The following TSPAN6 variants were observed in gnomAD, a reference collection of about 807,000 sequenced individuals.
TSPAN6 encodes tetraspanin-6.
In TSPAN6, 13 loss-of-function variants were observed where a neutral mutation model predicts 18.0. That is an observed-to-expected ratio of 0.72 (90% CI 0.47 to 1.15). TSPAN6 has a LOEUF of 1.15. Ranked by LOEUF, TSPAN6 falls within the 50% of genes most tolerant of loss-of-function variation. The probability of loss-of-function intolerance (pLI) is 0.00; values close to 1 mark genes in which losing one functional copy is unlikely to be tolerated. For synonymous variants in TSPAN6, 82 were observed against 67.0 expected (o/e 1.22, Z -1.09); for missense variants, 186 against 183.9 (o/e 1.01, Z -0.07).
In TSPAN6 at chrX:100,627,179, T is replaced by G. The variant is rs1602700543; in HGVS notation, c.*2847A>C. On this transcript the variant is annotated 3_prime_UTR_variant, in exon 8 of 8. Transcript: ENST00000373020. ...CATAAACCCAACAACCCACCTGGAA[T>G]AGGCCATGGAAATCTAACAAGCTTT... 3 of 111,664 alleles carry G rather than the reference T, an allele frequency of 2.7e-5. No homozygotes were observed. The East Asian group carries it at 8.4e-4, about 31-fold the overall frequency. The allele number at this position is 111,664 out of a possible 1,213,427, so 9.2% of individuals were successfully genotyped here.
intron 1 of TSPAN6, chrX:100,636,324 T>G: frequency 1.1e-6 from 1 of 917,732 alleles, no homozygotes; most frequent in Non-Finnish European, 1.3e-6. Flanking sequence ...TCTGGGGGCT[T>G]AAGGCCCCAC....
intron 4 of TSPAN6, 26 bp downstream of exon 4, chrX:100,633,905 C>G (rs1438552888): frequency 9.5e-7 from 1 of 1,050,051 alleles, no homozygotes; most frequent in Non-Finnish European, 1.3e-6. Flanking sequence ...GAATGTGTTC[C>G]CCTCTAGGTG....
In TSPAN6 at chrX:100,629,994, TAAAG is replaced by T; in HGVS notation, c.*40-12_*40-9del. ...GGGGGGACCCTAAATGTCCTAAAAT[TAAAG>T]AAAAAAAGTTAATGTACTTGTTACC... is the stretch of plus-strand genomic sequence containing the variant. On this transcript the variant is annotated splice_polypyrimidine_tract_variant and intron_variant, in intron 7 of 7. Coordinates refer to ENST00000373020, the MANE Select transcript of TSPAN6 (RefSeq NM_003270.4). 6 of 751,653 alleles carry T rather than the reference TAAAG, an allele frequency of 8.0e-6. No individual in the cohort carries two copies. The highest frequency in any genetic ancestry group is 9.4e-6 in the Non-Finnish European group (6 of 637,112). The allele number at this position is 751,653 out of a possible 1,213,427, so 61.9% of individuals were successfully genotyped here. A position where few individuals can be genotyped will look rare whatever the true frequency, so the allele number is the denominator to read the frequency against.
chrX:100,628,700 T>A lies in TSPAN6; in HGVS notation c.*1326A>T, dbSNP rs1276451724. 1 of 112,195 alleles carries A rather than the reference T, an allele frequency of 8.9e-6. No homozygotes were observed. Among genetic ancestry groups the A allele is most frequent in the Non-Finnish European group, 1.9e-5 (1 of 53,306 alleles). The allele number at this position is 112,195 out of a possible 1,213,427, so 9.2% of individuals were successfully genotyped here. A position where few individuals can be genotyped will look rare whatever the true frequency, so the allele number is the denominator to read the frequency against. The stretch of plus-strand genomic sequence containing the variant: ...AGAACACTAGTCATATGCTACTTTA[T>A]AACATGGAATATAATTTTTTTCACA... On this transcript the variant is annotated 3_prime_UTR_variant, in exon 8 of 8. Coordinates refer to ENST00000373020, the MANE Select transcript of TSPAN6 (RefSeq NM_003270.4).
Position 100,635,305 on chromosome X carries a change from T to C in TSPAN6, c.277-53A>G, listed in dbSNP as rs1309682437. On this transcript the variant is annotated intron_variant, in intron 2 of 7. Transcript: ENST00000373020. ...CAGCATAAATAAGATATAGCACAAC[T>C]GCAAAGGGAGTCAAAGAAAAAATAA... 10 of 929,105 alleles carry C rather than the reference T, an allele frequency of 1.1e-5. No homozygotes were observed. In the African/African-American group the frequency reaches 1.2e-4, roughly 11 times the overall value. The allele number at this position is 929,105 out of a possible 1,213,427, so 76.6% of individuals were successfully genotyped here.
chrX:100,633,687 G>T (rs754155563), intron 4 of TSPAN6, 148 bp from the exon 5 acceptor site: 59 of 641,556 alleles, frequency 9.2e-5, no homozygotes, highest in Non-Finnish European at 1.2e-4. Flanking sequence ...ATGAGCACTG[G>T]GTCCCTGATT....
chrX:100,631,717 C>T (rs769665876), intron 6 of TSPAN6, among the ~76,000 whole-genome samples: 4 of 111,410 alleles, frequency 3.6e-5, no homozygotes, highest in East Asian at 5.7e-4. Context: ...CTTGACTGAC[C>T]GCAGAGAGAA....
In TSPAN6 at chrX:100,632,691, G is replaced by C. The variant is rs1409539783; in HGVS notation, c.586-123C>G. The C allele has an allele frequency of 1.9e-5, 9 of 474,699 alleles. No individual in the cohort carries two copies. In the East Asian group the frequency reaches 3.4e-4, roughly 18 times the overall value. 39.1% of individuals were successfully genotyped at this position (474,699 alleles called of 1,213,427 possible). A position where few individuals can be genotyped will look rare whatever the true frequency, so the allele number is the denominator to read the frequency against. On this transcript the variant is annotated intron_variant, in intron 5 of 7. Transcript: ENST00000373020. The stretch of plus-strand genomic sequence containing the variant: ...ATATATTTATGGTAATAAATACTTT[G>C]ATCATATACCTCTGCAGAAAGATGT...
At chrX:100,630,669 G>C (rs887450288) in intron 7 of TSPAN6, 90 bp downstream of exon 7, 1 of 632,609 alleles carries the variant, frequency 1.6e-6, no homozygotes, top group Non-Finnish European at 2.4e-6. Flanking sequence ...TACTAGACAA[G>C]ACGTTCTTGG....
At position 100,629,258 on chromosome X, in the gene TSPAN6, A is replaced by G. The variant is rs1006391200; in HGVS notation, c.*768T>C. On this transcript the variant is annotated 3_prime_UTR_variant, in exon 8 of 8. Transcript: ENST00000373020. ...AGGGAAAGTATGAACATCATAATAA[A>G]TGCCTCAATTTGGAGGCAAAGAAAT... 1.8e-5 allele frequency: 2 copies of G among 111,979 alleles called. No homozygotes were observed. The highest frequency in any genetic ancestry group is 6.5e-5 in the African/African-American group (2 of 30,820). The allele number at this position is 111,979 out of a possible 1,213,427, so 9.2% of individuals were successfully genotyped here. A position where few individuals can be genotyped will look rare whatever the true frequency, so the allele number is the denominator to read the frequency against.
rs770934344 is a variant in TSPAN6 at position 100,633,365 on chromosome X, T to C, written c.585+40A>G. The C allele has an allele frequency of 6.7e-6, 8 of 1,193,707 alleles. No individual in the cohort carries two copies. The East Asian group carries it at 2.1e-4, about 31-fold the overall frequency. On this transcript the variant is annotated intron_variant, in intron 5 of 7. Transcript: ENST00000373020. ...GTCAATTTTGCATTCAGTTAAGTCTTCAAATATTGCCAAATAGAAAATTTT... is the reference window on the plus strand; with the variant it reads ...GTCAATTTTGCATTCAGTTAAGTCTCCAAATATTGCCAAATAGAAAATTTT...
At chrX:100,630,195 T>C (rs2083049420) in intron 7 of TSPAN6, among the ~76,000 whole-genome samples, 1 of 111,924 alleles carries the variant, frequency 8.9e-6, no homozygotes. Flanking sequence ...CTAACGCCAT[T>C]GAAACACATG....
chrX:100,630,865 A>C lies in TSPAN6; in HGVS notation c.671T>G (p.Leu224Arg). ...GCAGTAGGCGAGAAAGATTCCAATC[A>C]GCTAGAAATAAAATAGGAACAAAAT... ...GISFGVACFQLIGIFLAYCLS... is the reference protein window; with the variant it reads ...GISFGVACFQRIGIFLAYCLS... Residue 224 changes from leucine to arginine, a missense_variant and splice_region_variant, in exon 7 of 8, where the codon CTG (leucine) becomes CGG (arginine). Leu to Arg is a moderately radical substitution (Grantham distance 102). Coordinates refer to ENST00000373020, the MANE Select transcript of TSPAN6 (RefSeq NM_003270.4). 1 of 1,193,280 alleles carries C rather than the reference A, an allele frequency of 8.4e-7. No homozygotes were observed.
At chrX:100,633,218 C>T (rs192635520) in intron 5 of TSPAN6, among the ~76,000 whole-genome samples, 187 bp downstream of exon 5, 3 of 111,113 alleles carry the variant, frequency 2.7e-5, no homozygotes, top group African/African-American at 6.5e-5. Flanking sequence ...ACTCGAGAGG[C>T]TGAGGCAGGA....
chrX:100,630,594 C>T (rs2083052469), intron 7 of TSPAN6, among the ~76,000 whole-genome samples, 165 bp downstream of exon 7: 1 of 111,949 alleles, frequency 8.9e-6, no homozygotes, highest in Non-Finnish European at 1.9e-5. Flanking sequence ...CTGACCATGC[C>T]CTGTGTATAG....
chrX:100,632,637 A>G (rs2083067679), intron 5 of TSPAN6, 69 bp from the exon 6 acceptor site: 1 of 690,991 alleles, frequency 1.4e-6, no homozygotes, highest in Admixed American at 3.0e-5. Flanking sequence ...ATGGTAATAA[A>G]TACTTCGATC....
chrX:100,633,934 AT>A lies in TSPAN6; in HGVS notation c.446del (p.Asn149IlefsTer44). On this transcript the variant is annotated frameshift_variant, in exon 4 of 8. Transcript: ENST00000373020. LOFTEE classifies it high-confidence loss of function. ...CTAGGTGGTGGTTACCACTTACCGT[AT>A]TTTGGATCTTGTCTACTGCATGGCT... ...YRSHAVDKIQNTLHCCGVTDY... is the reference protein window; with the variant it reads ...YRSHAVDKIQXTLHCCGVTDY... 1 of 1,189,472 alleles carries A rather than the reference AT, an allele frequency of 8.4e-7. No homozygotes were observed. The highest frequency in any genetic ancestry group is 1.1e-6 in the Non-Finnish European group (1 of 877,840).
intron 2 of TSPAN6, 117 bp from the exon 3 acceptor site, chrX:100,635,369 A>G (rs992260629): frequency 1.5e-6 from 1 of 674,427 alleles, no homozygotes; most frequent in African/African-American, 2.2e-5. Flanking sequence ...TTTTCATTGA[A>G]AAGGGCAGGG....
intron 1 of TSPAN6, chrX:100,636,377 C>T: frequency 2.0e-6 from 2 of 975,655 alleles, no homozygotes; most frequent in Non-Finnish European, 2.6e-6. Flanking sequence ...CGTCTGGGTC[C>T]CAGCTCAGCC....
Sources: allele counts gnomAD v4.1 joint callset (sites outside exome capture counted in the v4.1 genomes callset), GRCh38; gene constraint gnomAD v4.1.1; transcripts MANE v1.5; gene names NCBI Gene and HGNC (gene_info 2026-07-23, HGNC 2026-07-21).